Variants in ADD3 observed in about 807,000 individuals in gnomAD.
The protein encoded by ADD3 is adducin 3.
Under a neutral mutation model 80.2 loss-of-function variants are expected in ADD3, and 25 were observed. The observed-to-expected ratio is 0.31, with a 90% CI of 0.23 to 0.44. The LOEUF (loss-of-function observed/expected upper bound fraction) is 0.44, where lower values mean the gene tolerates loss of function less well. Among genes scored for constraint, ADD3 ranks in the 20% least tolerant of loss-of-function variants. ADD3 has a pLI of 1.00. For missense variants in ADD3, 829 were observed against 847.5 expected (o/e 0.98, Z 0.27); for synonymous variants, 284 against 289.6 (o/e 0.98, Z 0.20).
intron 1 of ADD3, among the ~76,000 whole-genome samples, chr10:110,094,865 G>T (rs769682063): frequency 2.0e-5 from 3 of 152,074 alleles, no homozygotes; most frequent in Non-Finnish European, 4.4e-5. Flanking sequence ...GCTGCTTTGC[G>T]GTCTTGGCAT....
At chr10:110,084,567 A>T (rs1846463757) in intron 1 of ADD3, among the ~76,000 whole-genome samples, 1 of 152,192 alleles carries the variant, frequency 6.6e-6, no homozygotes, top group African/African-American at 2.4e-5. Flanking sequence ...GGTAAGATAA[A>T]TTGAGGGACT....
chr10:110,091,028 G>A (rs565544384), intron 1 of ADD3, among the ~76,000 whole-genome samples: 35 of 152,230 alleles, frequency 2.3e-4, no homozygotes, highest in Admixed American at 1.4e-3. Context: ...AGAATAATAC[G>A]GATCAATCTG....
chr10:110,104,282 A>G (rs1849173052), intron 2 of ADD3, among the ~76,000 whole-genome samples: 1 of 152,188 alleles, frequency 6.6e-6, no homozygotes, highest in Non-Finnish European at 1.5e-5. Context: ...CCTACTATTT[A>G]CCAGGACTGA....
chr10:110,033,012 G>C (rs893174482), intron 1 of ADD3, among the ~76,000 whole-genome samples: 9 of 152,238 alleles, frequency 5.9e-5, no homozygotes, highest in Non-Finnish European at 1.0e-4. Flanking sequence ...CAGCCTTGTG[G>C]GTGAGGGGAA....
intron 1 of ADD3, among the ~76,000 whole-genome samples, chr10:110,014,314 A>G (rs1243046979): frequency 6.6e-6 from 1 of 152,210 alleles, no homozygotes; most frequent in Non-Finnish European, 1.5e-5. Flanking sequence ...GGTGGTTGGA[A>G]AATGGCAATG....
rs1210717672 is a variant in ADD3, at chr10:110,133,420, G to A, written c.1923G>A (p.Glu641=). 2 of 1,613,732 alleles carry A rather than the reference G, an allele frequency of 1.2e-6. No individual in the cohort carries two copies. The highest frequency in any genetic ancestry group is 2.2e-5 in the South Asian group (2 of 91,054). ...GKDDMHDVED[E]LAKRVSRLST... is the part of the protein sequence containing the mutation. ...ATGATATGCATGATGTTGAAGATGA[G>A]CTTGCTAAGCGAGTGAGTAGGTTAA... Residue 641 remains glutamate (E), a synonymous_variant, in exon 15 of 15, where the codon GAG becomes GAA. Transcript: ENST00000356080.
chr10:110,021,230 C>T (rs1264796992), intron 1 of ADD3, among the ~76,000 whole-genome samples: 2 of 152,170 alleles, frequency 1.3e-5, no homozygotes, highest in East Asian at 1.9e-4. Context: ...AGGGATTGAA[C>T]AACTTTATTT....
chr10:110,045,357 A>G (rs533932854), intron 1 of ADD3, among the ~76,000 whole-genome samples: 2 of 152,294 alleles, frequency 1.3e-5, no homozygotes, highest in Admixed American at 1.3e-4. Context: ...CTGTCTCAAA[A>G]AAAAAAAGAG....
chr10:110,100,077 A>G (rs1848627775), intron 1 of ADD3, among the ~76,000 whole-genome samples: 1 of 152,170 alleles, frequency 6.6e-6, no homozygotes, highest in Non-Finnish European at 1.5e-5. Context: ...AGCTGGGCAC[A>G]GTGGCTCATG....
chr10:110,010,019 A>G (rs1456928760), intron 1 of ADD3, among the ~76,000 whole-genome samples: 5 of 152,244 alleles, frequency 3.3e-5, no homozygotes, highest in Admixed American at 3.3e-4. Context: ...TGAAAGGGAG[A>G]AAATTACACA....
intron 2 of ADD3, among the ~76,000 whole-genome samples, chr10:110,101,690 A>G (rs553252984): frequency 6.6e-6 from 1 of 152,274 alleles, no homozygotes; most frequent in Admixed American, 6.5e-5. Flanking sequence ...CTGCACAGCA[A>G]TAGTCAGACT....
intron 1 of ADD3, among the ~76,000 whole-genome samples, chr10:110,060,711 A>G (rs758992182): frequency 2.0e-5 from 3 of 152,214 alleles, no homozygotes; most frequent in African/African-American, 7.2e-5. Flanking sequence ...GATTGTGTCT[A>G]TCAACACAAA....
At chr10:110,003,302 G>GGGGGGTGTGTGTGT (rs140966434), upstream of ADD3, among the ~76,000 whole-genome samples, 385 of 147,024 alleles carry the variant, frequency 2.6e-3, 2 homozygotes, top group African/African-American at 9.3e-3. Flanking sequence ...GAACAGTAAG[G>GGGGGGTGTGTGTGT]GTGTGTGTGT....
At chr10:110,012,089 T>C (rs1294701052) in intron 1 of ADD3, among the ~76,000 whole-genome samples, 1 of 152,244 alleles carries the variant, frequency 6.6e-6, no homozygotes, top group East Asian at 1.9e-4. Flanking sequence ...TGTGTGTGTC[T>C]ATGTATACGT....
At chr10:110,010,153 A>G (rs1336491970) in intron 1 of ADD3, among the ~76,000 whole-genome samples, 2 of 152,108 alleles carry the variant, frequency 1.3e-5, no homozygotes, top group Admixed American at 1.3e-4. Flanking sequence ...AAGAGAACAT[A>G]ACATCAGCAA....
chr10:110,066,930 G>A (rs1844031478), intron 1 of ADD3, among the ~76,000 whole-genome samples: 1 of 152,128 alleles, frequency 6.6e-6, no homozygotes, highest in Non-Finnish European at 1.5e-5. Context: ...TTGCACTCTA[G>A]CTACAAATTT....
At chr10:110,029,762 T>G (rs1377133730) in intron 1 of ADD3, among the ~76,000 whole-genome samples, 1 of 152,196 alleles carries the variant, frequency 6.6e-6, no homozygotes, top group African/African-American at 2.4e-5. Flanking sequence ...TGACAAGACT[T>G]TTCTTACCTG....
At position 110,117,455 on chromosome 10, in the gene ADD3, G is replaced by A. The variant is rs753970981; in HGVS notation, c.567+33G>A. 10 of 1,350,714 alleles carry A rather than the reference G, an allele frequency of 7.4e-6. No individual in the cohort carries two copies. In the South Asian group the frequency reaches 1.1e-4, roughly 14 times the overall value. 83.7% of individuals were successfully genotyped at this position (1,350,714 alleles called of 1,614,324 possible). A position where few individuals can be genotyped will look rare whatever the true frequency, so the allele number is the denominator to read the frequency against. ...TTTCCATTCCTGTGTTGCTTTTTCT[G>A]AGCTTTCTTTGGCTTTTCTGACAGT... On this transcript the variant is annotated intron_variant, in intron 5 of 14. Coordinates refer to ENST00000356080, the MANE Select transcript of ADD3 (RefSeq NM_016824.5).
At chr10:110,030,336 A>G (rs567771983) in intron 1 of ADD3, among the ~76,000 whole-genome samples, 6 of 151,112 alleles carry the variant, frequency 4.0e-5, no homozygotes, top group African/African-American at 1.2e-4. Context: ...AAAAAAAAAA[A>G]AAAGAAAGTG....
Sources: allele counts gnomAD v4.1 joint callset (sites outside exome capture counted in the v4.1 genomes callset), GRCh38; gene constraint gnomAD v4.1.1; transcripts MANE v1.5; gene names NCBI Gene and HGNC (gene_info 2026-07-23, HGNC 2026-07-21).